The following COL23A1 variants were observed in gnomAD, a reference collection of about 807,000 sequenced individuals.
COL23A1 encodes collagen type XXIII alpha 1 chain.
Under a neutral mutation model 99.3 loss-of-function variants are expected in COL23A1, and 97 were observed. That is an observed-to-expected ratio of 0.98 (90% CI 0.83 to 1.16). The LOEUF (loss-of-function observed/expected upper bound fraction) is 1.16, where lower values mean the gene tolerates loss of function less well. Ranked by LOEUF, COL23A1 falls within the 50% of genes most tolerant of loss-of-function variation. The pLI is 0.00. For missense variants in COL23A1, 762 were observed against 757.4 expected, an observed-to-expected ratio of 1.01 and a Z score of -0.07; for synonymous variants, 320 against 308.2, an observed-to-expected ratio of 1.04 and a Z score of -0.40.
rs1766054380 is a variant in COL23A1, at chr5:178,428,182, G to A, written c.362-121263C>T. ...GGGAAAAGAGAACGAGGAATCCAAA[G>A]TCCTGAGCAATCGTGTCCCCTTAGG... On this transcript the variant is annotated intron_variant, in intron 2 of 28. Transcript: ENST00000390654. This position sits in a 1 kb window ranked among gnomAD's most constrained non-coding sequence, Gnocchi z 5.0. Among the ~76,000 whole-genome samples the A allele has an allele frequency of 6.6e-6, 1 of 152,214 alleles. No homozygotes were observed. The highest frequency in any genetic ancestry group is 1.5e-5 in the Non-Finnish European group (1 of 68,032).
At position 178,310,166 on chromosome 5, in the gene COL23A1, G is replaced by A. The variant is rs576486547; in HGVS notation, c.362-3247C>T. Among the ~76,000 whole-genome samples the A allele has an allele frequency of 4.6e-5, 7 of 152,348 alleles. No individual in the cohort carries two copies. Among genetic ancestry groups the A allele is most frequent in the Admixed American group, 2.6e-4 (4 of 15,312 alleles). The stretch of plus-strand genomic sequence containing the variant: ...AGGCGGTGAGGCCCTGGGAGAGGGC[G>A]AGTGTGCCGGAGCTGCACTCCCTGC... On this transcript the variant is annotated intron_variant, in intron 2 of 28. Transcript: ENST00000390654. The surrounding 1 kb of genome is among the most constrained non-coding windows in gnomAD (Gnocchi z 4.3).
intron 2 of COL23A1, among the ~76,000 whole-genome samples, chr5:178,523,177 T>TATATATAC (rs1348442017): frequency 1.6e-3 from 128 of 77,856 alleles, no homozygotes; most frequent in East Asian, 2.7e-3. Flanking sequence ...TATATATATA[T>TATATATAC]ACACATATAT....
intron 1 of COL23A1, among the ~76,000 whole-genome samples, chr5:178,576,148 G>A (rs1763343753): frequency 6.6e-6 from 1 of 152,214 alleles, no homozygotes; most frequent in South Asian, 2.1e-4. Flanking sequence ...ATTTTGCGAA[G>A]GTAGTTTTTT....
At chr5:178,319,818 T>C (rs560245296) in intron 2 of COL23A1, among the ~76,000 whole-genome samples, 1 of 152,258 alleles carries the variant, frequency 6.6e-6, no homozygotes, top group East Asian at 1.9e-4. Flanking sequence ...AGTGCTGAAA[T>C]CAGGTCAGTC....
chr5:178,424,568 A>G (rs976349512), intron 2 of COL23A1, among the ~76,000 whole-genome samples: 2 of 152,336 alleles, frequency 1.3e-5, no homozygotes, highest in East Asian at 1.9e-4. Context: ...GGGCCAGGAC[A>G]AGACACACCG....
rs75023239 is a variant in COL23A1, at chr5:178,470,753, G to A, written c.361+89929C>T. Among the ~76,000 whole-genome samples, 991 of 151,648 alleles carry A rather than the reference G, an allele frequency of 6.5e-3. 13 individuals carry two copies. The highest frequency in any genetic ancestry group is 0.02 in the African/African-American group (846 of 41,322). ...ATCAAGGCTCCCACAGAATACAGTG[G>A]CACTTCCCATAAGACACTGGACCCA... On this transcript the variant is annotated intron_variant, in intron 2 of 28. Coordinates refer to ENST00000390654, the MANE Select transcript of COL23A1 (RefSeq NM_173465.4).
chr5:178,355,456 G>A lies in COL23A1; in HGVS notation c.362-48537C>T, dbSNP rs188416066. On this transcript the variant is annotated intron_variant, in intron 2 of 28. Transcript: ENST00000390654. ...AAATAGATGCAGTTTTCCAGCCTGG[G>A]TTACATAGTATATTAGTCTGTTCTC... is the stretch of plus-strand genomic sequence containing the variant. Among the ~76,000 whole-genome samples the A allele has an allele frequency of 3.1e-3, 479 of 152,274 alleles. 1 individual carries two copies. The highest frequency in any genetic ancestry group is 0.011 in the African/African-American group (452 of 41,550).
chr5:178,241,199 C>T (rs1335603607), intron 27 of COL23A1, among the ~76,000 whole-genome samples: 4 of 152,032 alleles, frequency 2.6e-5, no homozygotes, highest in Admixed American at 6.5e-5. Flanking sequence ...CCAGCCTGGG[C>T]GACAGAGTGA....
intron 3 of COL23A1, among the ~76,000 whole-genome samples, chr5:178,299,668 A>AT (rs905434455): frequency 3.4e-4 from 50 of 146,068 alleles, no homozygotes; most frequent in Middle Eastern, 3.5e-3. Flanking sequence ...TGATTTTATG[A>AT]TTTTTTTTTC....
intron 2 of COL23A1, among the ~76,000 whole-genome samples, chr5:178,477,384 C>G (rs896522382): frequency 1.3e-5 from 2 of 152,144 alleles, no homozygotes; most frequent in African/African-American, 4.8e-5. Flanking sequence ...ACTGGAGTCA[C>G]AGAATCTTCT....
At chr5:178,403,734 C>A (rs1390439189) in intron 2 of COL23A1, among the ~76,000 whole-genome samples, 1 of 152,244 alleles carries the variant, frequency 6.6e-6, no homozygotes, top group African/African-American at 2.4e-5. Flanking sequence ...CCCTGTGCAC[C>A]AACTGTGCCC....
At chr5:178,297,627 A>G (rs1489990114) in intron 3 of COL23A1, among the ~76,000 whole-genome samples, 1 of 152,156 alleles carries the variant, frequency 6.6e-6, no homozygotes, top group Non-Finnish European at 1.5e-5. Flanking sequence ...CACTGTTGCA[A>G]TCGGTAGTGG....
intron 2 of COL23A1, among the ~76,000 whole-genome samples, chr5:178,466,898 AT>A (rs1756452522): frequency 6.6e-6 from 1 of 152,172 alleles, no homozygotes; most frequent in African/African-American, 2.4e-5. Context: ...GGAGATGTCG[AT>A]TTGTGTCCCT....
chr5:178,405,721 G>T (rs1329992798), intron 2 of COL23A1, among the ~76,000 whole-genome samples: 2 of 152,228 alleles, frequency 1.3e-5, no homozygotes, highest in African/African-American at 4.8e-5. Flanking sequence ...CACATTGTAT[G>T]ATTTGATACT....
chr5:178,586,624 G>T (rs200142616), intron 1 of COL23A1, among the ~76,000 whole-genome samples: 1 of 134,556 alleles, frequency 7.4e-6, no homozygotes, highest in African/African-American at 2.8e-5. Context: ...AAAAAAAAAG[G>T]ACAAGAAAAG....
At chr5:178,516,807 T>TCCAC (rs778386693) in intron 2 of COL23A1, among the ~76,000 whole-genome samples, 5 of 152,198 alleles carry the variant, frequency 3.3e-5, no homozygotes, top group Non-Finnish European at 5.9e-5. Context: ...GCCCACCTTG[T>TCCAC]CCACCCCATG....
intron 2 of COL23A1, among the ~76,000 whole-genome samples, chr5:178,541,636 T>C (rs1761294367): frequency 6.6e-6 from 1 of 152,202 alleles, no homozygotes; most frequent in Non-Finnish European, 1.5e-5. Context: ...GCAATTCTGC[T>C]GTAAGGTTTG....
At chr5:178,482,115 C>T (rs1053192241) in intron 2 of COL23A1, among the ~76,000 whole-genome samples, 6 of 151,800 alleles carry the variant, frequency 4.0e-5, no homozygotes, top group African/African-American at 1.2e-4. Flanking sequence ...AGAAATTCCA[C>T]TCCTAGGTAT....
chr5:178,553,977 A>G (rs1762140269), intron 2 of COL23A1, among the ~76,000 whole-genome samples: 1 of 151,998 alleles, frequency 6.6e-6, no homozygotes, highest in African/African-American at 2.4e-5. Context: ...AACCCATTTG[A>G]TCCTCAAAAC....
Sources: allele counts gnomAD v4.1 joint callset (sites outside exome capture counted in the v4.1 genomes callset), GRCh38; gene constraint gnomAD v4.1.1; non-coding constraint Gnocchi (gnomAD v3.1); transcripts MANE v1.5; gene names NCBI Gene and HGNC (gene_info 2026-07-23, HGNC 2026-07-21).